PPP1R21: variants seen among roughly 807,000 people sequenced by gnomAD.
The protein encoded by PPP1R21 is protein phosphatase 1 regulatory subunit 21, also known as KLRAQ motif containing 1.
In PPP1R21, 85 loss-of-function variants were observed where a neutral mutation model predicts 112.8. The observed-to-expected ratio is 0.75, with a 90% CI of 0.63 to 0.90. The LOEUF is 0.90. PPP1R21 is among the 40% of genes least tolerant of loss of function. The pLI, the probability that PPP1R21 is intolerant of heterozygous loss-of-function variation, is 0.00. For synonymous variants in PPP1R21, 381 were observed against 322.3 expected (o/e 1.18, Z -1.95); for missense variants, 1,199 against 901.5 (o/e 1.33, Z -4.23).
intron 7 of PPP1R21, among the ~76,000 whole-genome samples, chr2:48,462,972 G>A (rs558936471): frequency 6.6e-6 from 1 of 152,294 alleles, no homozygotes; most frequent in Admixed American, 6.5e-5. Context: ...CAGTCATGGG[G>A]AAGATGGTGA....
chr2:48,492,130 C>G (rs1669594011), intron 15 of PPP1R21, among the ~76,000 whole-genome samples: 3 of 152,176 alleles, frequency 2.0e-5, no homozygotes, highest in Admixed American at 1.3e-4. Flanking sequence ...AACGTTTTAA[C>G]TATGCAGTGC....
Position 48,476,303 on chromosome 2 carries a change from A to G in PPP1R21, c.1225+1484A>G, listed in dbSNP as rs540639553. Among the ~76,000 whole-genome samples, 7 of 152,342 alleles carry G rather than the reference A, an allele frequency of 4.6e-5. No individual in the cohort carries two copies. The East Asian group carries it at 9.6e-4, about 21-fold the overall frequency. On this transcript the variant is annotated intron_variant, in intron 12 of 21. Transcript: ENST00000294952. ...ATCAGTACTCAATTTTTATTGCAGA[A>G]TGCTATTATATTTTATGGATGTATC...
chr2:48,482,645 G>A (rs952888863), intron 13 of PPP1R21, among the ~76,000 whole-genome samples: 4 of 126,568 alleles, frequency 3.2e-5, no homozygotes, highest in Non-Finnish European at 5.1e-5. Context: ...TAAAGACACT[G>A]TTTTTTTTTT....
At chr2:48,472,818 G>C (rs573993628) in intron 11 of PPP1R21, among the ~76,000 whole-genome samples, 1 of 151,894 alleles carries the variant, frequency 6.6e-6, no homozygotes, top group Admixed American at 6.5e-5. Context: ...GGAGGTGGTG[G>C]CCTGTGCCTG....
At chr2:48,486,535 A>C in intron 13 of PPP1R21, 96 bp from the exon 14 acceptor site, 1 of 941,322 alleles carries the variant, frequency 1.1e-6, no homozygotes, top group Non-Finnish European at 1.6e-6. Flanking sequence ...TTACTTTATA[A>C]ATTTAGAAGA....
At chr2:48,475,540 C>T (rs1668712555) in intron 12 of PPP1R21, among the ~76,000 whole-genome samples, 1 of 151,880 alleles carries the variant, frequency 6.6e-6, no homozygotes, top group Non-Finnish European at 1.5e-5. Flanking sequence ...TCCCCTTTGG[C>T]CTAACTTCAA....
chr2:48,471,525 G>A (rs1395165744), intron 11 of PPP1R21, 158 bp downstream of exon 11: 2 of 685,530 alleles, frequency 2.9e-6, no homozygotes, highest in Non-Finnish European at 4.8e-6. Context: ...GCATGGTTGA[G>A]CAGCATTAAC....
chr2:48,458,166 A>G lies in PPP1R21; in HGVS notation c.314A>G (p.Lys105Arg). 6.2e-7 allele frequency: 1 copy of G among 1,612,622 alleles called. No individual in the cohort carries two copies. Among genetic ancestry groups the G allele is most frequent in the Non-Finnish European group, 8.5e-7 (1 of 1,179,032 alleles). ...ESSSQLSQEQKSVFDEDLQKK... is the reference protein window; with the variant it reads ...ESSSQLSQEQRSVFDEDLQKK... ...TCTTCTCAGTTGAGTCAAGAGCAGA[A>G]GAGTGTCTTTGATGAAGATCTGCAA... The change falls in exon 4 of 22, where the codon AAG becomes AGG. Residue 105 changes from lysine to arginine, a missense_variant. Coordinates refer to ENST00000294952, the MANE Select transcript of PPP1R21 (RefSeq NM_001135629.3).
chr2:48,481,653 G>T (rs1351219073), intron 13 of PPP1R21, among the ~76,000 whole-genome samples: 4 of 152,142 alleles, frequency 2.6e-5, no homozygotes, highest in African/African-American at 9.7e-5. Flanking sequence ...TGAGTGGGAA[G>T]ATCACTTGAG....
chr2:48,514,657 A>G (rs147967342), intron 21 of PPP1R21, 58 bp from the exon 22 acceptor site: 16,293 of 1,272,312 alleles, frequency 0.013, 145 homozygotes, highest in Middle Eastern at 0.017. Context: ...TTTATAAACT[A>G]TGTGAGTTAT....
chr2:48,505,514 C>G (rs1210480759), intron 17 of PPP1R21, 50 bp from the exon 18 acceptor site: 4 of 1,376,930 alleles, frequency 2.9e-6, no homozygotes, highest in Non-Finnish European at 4.1e-6. Context: ...ATCTATTGTG[C>G]TTGAAATGTA....
At chr2:48,452,380 A>C (rs1667514489) in intron 2 of PPP1R21, among the ~76,000 whole-genome samples, 1 of 152,208 alleles carries the variant, frequency 6.6e-6, no homozygotes, top group Admixed American at 6.5e-5. Flanking sequence ...CAACCCGATG[A>C]GGTCAGATAA....
rs767025904 is a variant in PPP1R21 at position 48,460,153 on chromosome 2, G to A, written c.599G>A (p.Cys200Tyr). The change falls in exon 6 of 22, where the codon TGT becomes TAT. Residue 200 changes from cysteine (C) to tyrosine (Y), a missense_variant and splice_region_variant. Coordinates refer to ENST00000294952, the MANE Select transcript of PPP1R21 (RefSeq NM_001135629.3). ...GAATGTCGACTTCGAACGGAAGAAT[G>A]GTATGTGGAAACTTGAATTCCAAGA... ...AKECRLRTEECQLQLKTLHED... is the reference protein window; with the variant it reads ...AKECRLRTEEYQLQLKTLHED... 6 of 1,613,956 alleles carry A rather than the reference G, an allele frequency of 3.7e-6. No individual in the cohort carries two copies. The highest frequency in any genetic ancestry group is 5.1e-6 in the Non-Finnish European group (6 of 1,179,988).
At chr2:48,509,899 T>C in intron 19 of PPP1R21, 116 bp from the exon 20 acceptor site, 1 of 625,486 alleles carries the variant, frequency 1.6e-6, no homozygotes, top group South Asian at 2.3e-5. Flanking sequence ...AACAGATTAT[T>C]TGTGGAATGA....
chr2:48,480,228 G>A (rs927933952), intron 13 of PPP1R21, among the ~76,000 whole-genome samples: 2 of 152,168 alleles, frequency 1.3e-5, no homozygotes, highest in African/African-American at 4.8e-5. Context: ...AGAAATCCTT[G>A]TGTACAGTCC....
chr2:48,497,481 C>G (rs1669899059), intron 16 of PPP1R21, among the ~76,000 whole-genome samples: 1 of 152,078 alleles, frequency 6.6e-6, no homozygotes, highest in Non-Finnish European at 1.5e-5. Flanking sequence ...TAGTTTTTTT[C>G]CCTGATACTG....
chr2:48,453,158 T>C (rs1455852498), intron 2 of PPP1R21, among the ~76,000 whole-genome samples: 1 of 152,184 alleles, frequency 6.6e-6, no homozygotes, highest in African/African-American at 2.4e-5. Flanking sequence ...TTTGTCATGT[T>C]GGCCAGGCCA....
intron 11 of PPP1R21, 183 bp downstream of exon 11, chr2:48,471,550 G>C: frequency 1.7e-6 from 1 of 580,386 alleles, no homozygotes; most frequent in South Asian, 3.0e-5. Flanking sequence ...ATTTAAGAAA[G>C]TTGAATTATA....
chr2:48,465,512 C>G lies in PPP1R21; in HGVS notation c.767C>G (p.Ala256Gly). The G allele has an allele frequency of 6.2e-7, 1 of 1,612,236 alleles. No individual in the cohort carries two copies. The highest frequency in any genetic ancestry group is 2.2e-5 in the East Asian group (1 of 44,864). ...RRHQLKMRDI[A>G]GQALAFVQDL... ...TTAAAGCTGAAGATGCGAGATATTG[C>G]TGGGCAGGCCCTGGCTTTTGTTCAG... is the stretch of plus-strand genomic sequence containing the variant. The change falls in exon 9 of 22, where the codon GCT (alanine) becomes GGT (glycine). Residue 256 changes from alanine to glycine, a missense_variant. Coordinates refer to ENST00000294952, the MANE Select transcript of PPP1R21 (RefSeq NM_001135629.3).
Sources: gnomAD v4.1 joint callset for allele counts (sites outside exome capture counted in the v4.1 genomes callset) on GRCh38, gnomAD v4.1.1 for gene constraint, MANE v1.5 for transcripts, NCBI Gene and HGNC (gene_info 2026-07-23, HGNC 2026-07-21) for gene names.